The following GUCY2C variants were observed in gnomAD, a reference collection of about 807,000 sequenced individuals.
GUCY2C encodes the protein guanylate cyclase 2C.
In GUCY2C, 118 loss-of-function variants were observed where a neutral mutation model predicts 131.1. The observed-to-expected ratio is 0.90, with a 90% confidence interval of 0.78 to 1.05. The LOEUF (loss-of-function observed/expected upper bound fraction) is 1.05. Ranked by LOEUF, GUCY2C falls within the 50% of genes least tolerant of loss-of-function variation. The pLI, the probability that GUCY2C is intolerant of heterozygous loss-of-function variation, is 0.00. For missense variants in GUCY2C, 1,161 were observed against 1,304.4 expected (o/e 0.89, Z 1.69); for synonymous variants, 452 against 457.8 (o/e 0.99, Z 0.16).
Position 14,674,886 on chromosome 12 carries a change from G to A in GUCY2C, c.949-126C>T, listed in dbSNP as rs186494377. 4.1e-5 allele frequency: 29 copies of A among 709,804 alleles called. No homozygotes were observed. The Admixed American group carries it at 4.7e-4, about 11-fold the overall frequency. 44.0% of individuals were successfully genotyped at this position (709,804 alleles called of 1,614,324 possible). On this transcript the variant is annotated intron_variant, in intron 7 of 26. Transcript: ENST00000261170. ...TTAAAGGGATATCAGGGGAATTGAA[G>A]GGATGTTATTAAAGGAGACTTTTAG...
chr12:14,622,102 G>A lies in GUCY2C; in HGVS notation c.2504C>T (p.Thr835Ile), dbSNP rs1489218780. Residue 835 changes from threonine to isoleucine, a missense_variant, in exon 22 of 27, where the codon ACT becomes ATT. Thr to Ile is a moderately conservative substitution (Grantham distance 89). Transcript: ENST00000261170. ...IYFSDIVGFT[T>I]ICKYSTPMEV... ...CATGGGGGTGCTGTATTTGCAGATA[G>A]TAGTGAAACCTACAATGTCACTGAA... is the stretch of plus-strand genomic sequence containing the variant. 1.9e-5 allele frequency: 30 copies of A among 1,608,324 alleles called. No individual in the cohort carries two copies. The highest frequency in any genetic ancestry group is 5.4e-5 in the African/African-American group (4 of 74,740).
intron 1 of GUCY2C, 27 bp downstream of exon 1, chr12:14,696,205 A>G: frequency 6.5e-7 from 1 of 1,549,866 alleles, no homozygotes; most frequent in South Asian, 1.1e-5. Flanking sequence ...AACAGAGTGG[A>G]GGAAGATTCT....
Position 14,696,433 on chromosome 12 carries a change from A to G in GUCY2C, c.16T>C (p.Leu6=). 6.2e-7 allele frequency: 1 copy of G among 1,613,784 alleles called. No individual in the cohort carries two copies. The highest frequency in any genetic ancestry group is 8.5e-7 in the Non-Finnish European group (1 of 1,179,868). Residue 6 remains leucine (L), a synonymous_variant, in exon 1 of 27, where the codon TTG becomes CTG. Transcript: ENST00000261170. Reference sequence around the variant, plus strand: ...AGCAGTGACCACAAAGCCAAGTCCAACAGCAACGTCTTCATGACCCCAATC... The same window carrying G: ...AGCAGTGACCACAAAGCCAAGTCCAGCAGCAACGTCTTCATGACCCCAATC... MKTLL[L]DLALWSLLFQ... is the part of the protein sequence containing the mutation.
At chr12:14,676,369 G>C (rs186830176) in intron 7 of GUCY2C, among the ~76,000 whole-genome samples, 14 of 152,076 alleles carry the variant, frequency 9.2e-5, no homozygotes, top group South Asian at 2.1e-4. Context: ...TTTGGACAAT[G>C]GTCAACTTAA....
In GUCY2C at chr12:14,681,765, G is replaced by A. The variant is rs1404159908; in HGVS notation, c.612-288C>T. Among the ~76,000 whole-genome samples the A allele has an allele frequency of 8.5e-5, 13 of 152,130 alleles. No individual in the cohort carries two copies. The East Asian group carries it at 2.5e-3, about 29-fold the overall frequency. ...CTCTAAGCAATTTTGTGAATATGTG[G>A]CTTGGTTACTTTGATTTAAAGTGAG... On this transcript the variant is annotated intron_variant, in intron 4 of 26. Coordinates refer to ENST00000261170, the MANE Select transcript of GUCY2C (RefSeq NM_004963.4).
At chr12:14,623,462 G>A (rs1365724348) in intron 21 of GUCY2C, among the ~76,000 whole-genome samples, 2 of 152,178 alleles carry the variant, frequency 1.3e-5, no homozygotes, top group Non-Finnish European at 2.9e-5. Flanking sequence ...GGATTCCTAG[G>A]TACACGACTG....
Position 14,639,871 on chromosome 12 carries a change from T to G in GUCY2C, c.2148A>C (p.Lys716Asn). The G allele has an allele frequency of 6.3e-7, 1 of 1,590,998 alleles. No homozygotes were observed. The highest frequency in any genetic ancestry group is 8.6e-7 in the Non-Finnish European group (1 of 1,158,916). ...GGGAAGATATACTCACTTCTAGCTC[T>G]TTTTCCTCTGCTGTTTCCAAGAATA... The part of the protein sequence containing the change: ...PDLFLETAEE[K>N]ELEVYLLVKN... The change falls in exon 19 of 27, where the codon AAA (lysine) becomes AAC (asparagine). Residue 716 changes from lysine to asparagine, a missense_variant. Lys to Asn is a moderately conservative substitution (Grantham distance 94, BLOSUM62 0). Coordinates refer to ENST00000261170, the MANE Select transcript of GUCY2C (RefSeq NM_004963.4).
chr12:14,686,092 CTGT>C lies in GUCY2C; in HGVS notation c.395+66_395+68del. On this transcript the variant is annotated intron_variant, in intron 3 of 26. Transcript: ENST00000261170. ...CTCTGATTGTGTTGGCTTGACTAGA[CTGT>C]TGTTTGATGAGTCCTTTAAGTTGCA... The C allele has an allele frequency of 9.6e-6, 9 of 938,304 alleles. No homozygotes were observed. In the South Asian group the frequency reaches 9.6e-5, roughly 10 times the overall value. 58.1% of individuals were successfully genotyped at this position (938,304 alleles called of 1,614,324 possible).
intron 6 of GUCY2C, among the ~76,000 whole-genome samples, chr12:14,678,681 G>T (rs1948287646): frequency 6.6e-6 from 1 of 152,176 alleles, no homozygotes; most frequent in Non-Finnish European, 1.5e-5. Flanking sequence ...AGGCAAATAT[G>T]GGAAAGATCT....
intron 19 of GUCY2C, among the ~76,000 whole-genome samples, chr12:14,630,374 A>G (rs2136998934): frequency 6.6e-6 from 1 of 152,272 alleles, no homozygotes; most frequent in Middle Eastern, 3.4e-3. Context: ...CCTGTGCCAC[A>G]GAGTGAAATA....
At chr12:14,670,755 T>C (rs996650584) in intron 9 of GUCY2C, among the ~76,000 whole-genome samples, 2 of 151,830 alleles carry the variant, frequency 1.3e-5, no homozygotes, top group African/African-American at 4.8e-5. Flanking sequence ...CCTTTCACCT[T>C]CCACCATGAT....
At position 14,614,870 on chromosome 12, in the gene GUCY2C, G is replaced by T; in HGVS notation, c.3044C>A (p.Thr1015Asn). ...CCTGCCACACCCAGAAGCTTACACA[G>T]TAGGAGGGGTTGGCAGGTTGAATTT... ...DQKFNLPTPP[T>N]VENQQRLQAE... The change falls in exon 26 of 27, where the codon ACT becomes AAT. Residue 1015 changes from threonine to asparagine, a missense_variant. Physicochemically the swap from Thr to Asn is moderately conservative, Grantham distance 65 (BLOSUM62 0). Transcript: ENST00000261170. 6.3e-7 allele frequency: 1 copy of T among 1,580,510 alleles called. No individual in the cohort carries two copies. The highest frequency in any genetic ancestry group is 1.1e-5 in the South Asian group (1 of 87,016).
Position 14,621,035 on chromosome 12 carries a change from T to C in GUCY2C, c.2776+7A>G. ...TTCCCAATTTGCTAAGATGCTCAACTCCATACCAGAGTGAACTCCAATGCG... is the reference window on the plus strand; with the variant it reads ...TTCCCAATTTGCTAAGATGCTCAACCCCATACCAGAGTGAACTCCAATGCG... On this transcript the variant is annotated splice_region_variant and intron_variant, in intron 23 of 26. Transcript: ENST00000261170. The C allele has an allele frequency of 1.2e-6, 2 of 1,612,424 alleles. No homozygotes were observed. Among genetic ancestry groups the C allele is most frequent in the Non-Finnish European group, 1.7e-6 (2 of 1,178,698 alleles).
At chr12:14,688,204 C>T (rs997820142) in intron 1 of GUCY2C, 141 bp from the exon 2 acceptor site, 2 of 610,564 alleles carry the variant, frequency 3.3e-6, no homozygotes, top group East Asian at 2.8e-5. Flanking sequence ...TTGTTTTACT[C>T]CTGGTCACTT....
chr12:14,676,874 AAG>A lies in GUCY2C; in HGVS notation c.926_927del (p.Ser309PhefsTer32), dbSNP rs773521864. 7.0e-7 allele frequency: 1 copy of A among 1,430,586 alleles called. No homozygotes were observed. Among genetic ancestry groups the A allele is most frequent in the African/African-American group, 1.4e-5 (1 of 71,366 alleles). 88.6% of individuals were successfully genotyped at this position (1,430,586 alleles called of 1,614,324 possible). On this transcript the variant is annotated frameshift_variant, in exon 7 of 27. Coordinates refer to ENST00000261170, the MANE Select transcript of GUCY2C (RefSeq NM_004963.4). LOFTEE classifies it high-confidence loss of function. ...LSPGNSLLNS[S>X]FSRNLSPTKR... ...CTTACTGGTGATAGATTCCTGGAGA[AAG>A]AGCTATTTAGAAGGGAATTCCCAGG...
chr12:14,670,272 T>G (rs1948078017), intron 9 of GUCY2C, among the ~76,000 whole-genome samples: 1 of 152,226 alleles, frequency 6.6e-6, no homozygotes, highest in Non-Finnish European at 1.5e-5. Context: ...TAAAATCCAT[T>G]ATGTCATTTT....
chr12:14,629,850 A>G (rs1429369137), intron 19 of GUCY2C, among the ~76,000 whole-genome samples: 1 of 152,258 alleles, frequency 6.6e-6, no homozygotes, highest in Non-Finnish European at 1.5e-5. Flanking sequence ...TAGGGTTCCC[A>G]GATTTAGCAA....
At position 14,693,095 on chromosome 12, in the gene GUCY2C, G is replaced by A. The variant is rs1292871768; in HGVS notation, c.217+3137C>T. 2.0e-5 allele frequency among the ~76,000 whole-genome samples: 3 copies of A among 152,172 alleles called. No homozygotes were observed. The East Asian group carries it at 5.8e-4, about 29-fold the overall frequency. Reference sequence around the variant, plus strand: ...AATCAAAGGTTTACTTTTAAAATAAGCCATTTCCCCCATGCTACTTTTCAT... The same window carrying A: ...AATCAAAGGTTTACTTTTAAAATAAACCATTTCCCCCATGCTACTTTTCAT... On this transcript the variant is annotated intron_variant, in intron 1 of 26. Transcript: ENST00000261170.
intron 25 of GUCY2C, 22 bp from the exon 26 acceptor site, chr12:14,614,965 G>T: frequency 7.4e-7 from 1 of 1,358,152 alleles, no homozygotes. Context: ...AAAGAGTTAC[G>T]TACCACGGAG....
Sources: allele counts gnomAD v4.1 joint callset (sites outside exome capture counted in the v4.1 genomes callset), GRCh38; gene constraint gnomAD v4.1.1; transcripts MANE v1.5; gene names NCBI Gene and HGNC (gene_info 2026-07-23, HGNC 2026-07-21).